The following HMGB1 variants were observed in gnomAD, a reference collection of about 807,000 sequenced individuals.
The protein encoded by HMGB1 is high mobility group protein B1.
For missense variants in HMGB1, 79 were observed against 253.5 expected (o/e 0.31, Z 4.67); for synonymous variants, 81 against 84.0 (o/e 0.96, Z 0.19).
chr13:30,473,077 G>A (rs1437871324), intron 1 of HMGB1, among the ~76,000 whole-genome samples: 2 of 152,078 alleles, frequency 1.3e-5, no homozygotes, highest in African/African-American at 4.8e-5. Flanking sequence ...GATGTTTCAT[G>A]ACTAAATGGA....
chr13:30,462,498 T>C, intron 4 of HMGB1, 40 bp downstream of exon 4: 1 of 1,493,962 alleles, frequency 6.7e-7, no homozygotes, highest in Middle Eastern at 1.7e-4. Context: ...ACATCTGGCG[T>C]ACTTGTCATC....
intron 1 of HMGB1, among the ~76,000 whole-genome samples, chr13:30,609,444 C>G (rs1234826972): frequency 1.3e-5 from 2 of 152,176 alleles, no homozygotes; most frequent in Non-Finnish European, 2.9e-5. Context: ...CTGAACAATG[C>G]AGGTTTGAAC....
intron 1 of HMGB1, among the ~76,000 whole-genome samples, chr13:30,486,250 A>C (rs1394119783): frequency 6.6e-6 from 1 of 152,088 alleles, no homozygotes; most frequent in Non-Finnish European, 1.5e-5. Flanking sequence ...ACCCATTTCG[A>C]TTTCTTACTC....
intron 1 of HMGB1, among the ~76,000 whole-genome samples, chr13:30,594,345 G>A (rs1441048277): frequency 1.3e-5 from 2 of 152,102 alleles, no homozygotes; most frequent in African/African-American, 2.4e-5. Context: ...TACCCAGCAC[G>A]CAGTTTTTCA....
chr13:30,533,805 A>G (rs1413659435), intron 1 of HMGB1, among the ~76,000 whole-genome samples: 1 of 151,906 alleles, frequency 6.6e-6, no homozygotes, highest in African/African-American at 2.4e-5. Context: ...TTTTTCCCTT[A>G]CATAATTTAA....
chr13:30,581,726 A>T (rs1870909596), intron 1 of HMGB1, among the ~76,000 whole-genome samples: 1 of 152,184 alleles, frequency 6.6e-6, no homozygotes, highest in African/African-American at 2.4e-5. Flanking sequence ...AGGCCATCTT[A>T]ACGAGGAGGG....
At chr13:30,471,654 C>CTTTTTTT (rs1171119586) in intron 1 of HMGB1, among the ~76,000 whole-genome samples, 15 of 30,616 alleles carry the variant, frequency 4.9e-4, no homozygotes, top group Non-Finnish European at 7.4e-4. Flanking sequence ...CGTGCCCGGC[C>CTTTTTTT]TTTTTTTTTT....
In HMGB1 at chr13:30,459,132, TAC is replaced by T. The variant is rs1478100382; in HGVS notation, c.*2223_*2224del. Reference sequence around the variant, plus strand: ...TATCTTGGCATTAAAATAGTTTCTATACACTTTCTAAAAAAAATCATCTTCAG... The same window carrying T: ...TATCTTGGCATTAAAATAGTTTCTATACTTTCTAAAAAAAATCATCTTCAG... On this transcript the variant is annotated 3_prime_UTR_variant, in exon 5 of 5. Coordinates refer to ENST00000341423, the MANE Select transcript of HMGB1 (RefSeq NM_002128.7). The T allele has an allele frequency of 2.6e-5, 4 of 152,094 alleles. No individual in the cohort carries two copies. The highest frequency in any genetic ancestry group is 4.4e-5 in the Non-Finnish European group (3 of 68,002). 9.4% of individuals were successfully genotyped at this position (152,094 alleles called of 1,614,324 possible). A position where few individuals can be genotyped will look rare whatever the true frequency, so the allele number is the denominator to read the frequency against.
Position 30,611,199 on chromosome 13 carries a change from C to CT in HMGB1, c.-15+5471dup, listed in dbSNP as rs199948626. ...TATGAGTCCTTTGTGGTAAATACTG[C>CT]TTTTTTTTTGAGACGCAGTCTCGCT... On this transcript the variant is annotated intron_variant, in intron 1 of 4. Coordinates refer to the HMGB1 transcript ENST00000405805. 3.6e-3 allele frequency among the ~76,000 whole-genome samples: 545 copies of CT among 151,620 alleles called. 4 individuals are homozygous for CT. Among genetic ancestry groups the CT allele is most frequent in the Middle Eastern group, 6.8e-3 (2 of 294 alleles).
At chr13:30,511,130 C>A (rs1318551114) in intron 1 of HMGB1, among the ~76,000 whole-genome samples, 1 of 152,112 alleles carries the variant, frequency 6.6e-6, no homozygotes, top group Non-Finnish European at 1.5e-5. Flanking sequence ...ATTAAAGATA[C>A]CTGAAATGCT....
intron 1 of HMGB1, among the ~76,000 whole-genome samples, chr13:30,586,495 T>G (rs967107633): frequency 6.9e-5 from 10 of 144,062 alleles, no homozygotes; most frequent in South Asian, 2.3e-4. Flanking sequence ...TTTTTTTTTT[T>G]TTTTTTTTTT....
intron 1 of HMGB1, among the ~76,000 whole-genome samples, chr13:30,538,599 T>TTC (rs1868639858): frequency 7.1e-6 from 1 of 140,510 alleles, no homozygotes; most frequent in African/African-American, 3.0e-5. Context: ...TCTTTCTTCT[T>TTC]TTTCTTTCTT....
chr13:30,520,326 A>C (rs1888208936), intron 1 of HMGB1, among the ~76,000 whole-genome samples: 1 of 151,482 alleles, frequency 6.6e-6, no homozygotes, highest in Non-Finnish European at 1.5e-5. Flanking sequence ...CGTCTCAAAA[A>C]AAATAAAAAT....
chr13:30,608,422 A>G (rs1229305800), intron 1 of HMGB1, among the ~76,000 whole-genome samples: 3 of 152,174 alleles, frequency 2.0e-5, no homozygotes, highest in Non-Finnish European at 4.4e-5. Context: ...AAAATCCATT[A>G]ATACCTATTG....
Position 30,563,586 on chromosome 13 carries a change from C to A in HMGB1, c.-15+53085G>T, listed in dbSNP as rs79031494. ...GACTGTGCCACTGCACTCCAGCCTG[C>A]GCAACACACTGAGAGAGACTCTGTC... On this transcript the variant is annotated intron_variant, in intron 1 of 4. Transcript: ENST00000405805. Among the ~76,000 whole-genome samples the A allele has an allele frequency of 8.6e-3, 1,306 of 152,130 alleles. 16 individuals are homozygous for A. The highest frequency in any genetic ancestry group is 0.014 in the Non-Finnish European group (927 of 68,012).
chr13:30,463,436 G>A (rs1260945588), intron 2 of HMGB1, 84 bp from the exon 3 acceptor site: 21 of 1,498,956 alleles, frequency 1.4e-5, no homozygotes, highest in South Asian at 2.4e-5. Flanking sequence ...ATGTAATAGC[G>A]TCCCACTACG....
At chr13:30,578,896 T>C (rs188195767) in intron 1 of HMGB1, among the ~76,000 whole-genome samples, 167 of 152,362 alleles carry the variant, frequency 1.1e-3, no homozygotes, top group African/African-American at 3.9e-3. Flanking sequence ...ATTCATTCCA[T>C]ATGACCTATT....
At chr13:30,568,045 C>T (rs938983536) in intron 1 of HMGB1, among the ~76,000 whole-genome samples, 4 of 152,130 alleles carry the variant, frequency 2.6e-5, no homozygotes, top group African/African-American at 9.7e-5. Flanking sequence ...CTCTAGTGTT[C>T]CCCCTGGGTG....
intron 1 of HMGB1, among the ~76,000 whole-genome samples, chr13:30,595,554 G>T (rs1400912827): frequency 6.6e-6 from 1 of 152,208 alleles, no homozygotes; most frequent in African/African-American, 2.4e-5. Flanking sequence ...AACTTTAGTA[G>T]CTTGAAACAA....
Sources: gnomAD v4.1 joint callset for allele counts (sites outside exome capture counted in the v4.1 genomes callset) on GRCh38, gnomAD v4.1.1 for gene constraint, MANE v1.5 for transcripts, NCBI Gene and HGNC (gene_info 2026-07-23, HGNC 2026-07-21) for gene names.